The following ANO10 variants were observed in gnomAD, a reference collection of about 807,000 sequenced individuals.
ANO10 encodes anoctamin-10.
A neutral mutation model predicts 74.7 loss-of-function variants in ANO10; 77 were observed. The ratio of observed to expected loss-of-function variants is 1.03; its 90% CI spans 0.86 to 1.25. The LOEUF (loss-of-function observed/expected upper bound fraction) is 1.25, where lower values mean the gene tolerates loss of function less well. Among genes scored for constraint, ANO10 ranks in the 50% most tolerant of loss-of-function variants. The probability of loss-of-function intolerance (pLI) is 0.00; values close to 1 mark genes in which losing one functional copy is unlikely to be tolerated. For synonymous variants in ANO10, 279 were observed against 284.9 expected (o/e 0.98, Z 0.21); for missense variants, 721 against 778.1 (o/e 0.93, Z 0.87).
At chr3:43,372,682 T>C in intron 12 of ANO10, 1 of 628,538 alleles carries the variant, frequency 1.6e-6, no homozygotes, top group Non-Finnish European at 2.9e-6. Flanking sequence ...ATCTGGTTTA[T>C]TCATTGTTTG....
At chr3:43,582,404 ACCATTGCACT>A (rs1249388302) in intron 4 of ANO10, among the ~76,000 whole-genome samples, 10 of 152,202 alleles carry the variant, frequency 6.6e-5, no homozygotes, top group South Asian at 2.1e-4. Flanking sequence ...GTGAGATCAC[ACCATTGCACT>A]CCAGCCTGGG....
At chr3:43,387,278 G>A (rs1051220991) in intron 12 of ANO10, among the ~76,000 whole-genome samples, 2 of 152,180 alleles carry the variant, frequency 1.3e-5, no homozygotes, top group African/African-American at 2.4e-5. Context: ...CATATATGTG[G>A]TCCGTCATTG....
chr3:43,497,228 C>G (rs1158024217), intron 11 of ANO10, among the ~76,000 whole-genome samples: 6 of 152,156 alleles, frequency 3.9e-5, no homozygotes, highest in Non-Finnish European at 8.8e-5. Context: ...GCAAACTTAC[C>G]TAGCATACAA....
At chr3:43,666,198 G>A (rs1347209055) in intron 1 of ANO10, among the ~76,000 whole-genome samples, 3 of 152,088 alleles carry the variant, frequency 2.0e-5, no homozygotes, top group Non-Finnish European at 4.4e-5. Flanking sequence ...TTCAAAAGAA[G>A]TACTTAATGT....
At chr3:43,439,842 G>A (rs1200101752) in intron 11 of ANO10, among the ~76,000 whole-genome samples, 2 of 152,124 alleles carry the variant, frequency 1.3e-5, no homozygotes, top group Middle Eastern at 3.4e-3. Context: ...TGATTGTGCC[G>A]CTCCATTCCA....
At chr3:43,539,352 AAAAAT>A (rs1432029290) in intron 11 of ANO10, among the ~76,000 whole-genome samples, 2 of 152,246 alleles carry the variant, frequency 1.3e-5, no homozygotes, top group Non-Finnish European at 2.9e-5. Flanking sequence ...CCTAGAAAAA[AAAAAT>A]AAAACCAAAC....
At chr3:43,537,330 G>T (rs1379779575) in intron 11 of ANO10, among the ~76,000 whole-genome samples, 1 of 151,862 alleles carries the variant, frequency 6.6e-6, no homozygotes, top group Non-Finnish European at 1.5e-5. Flanking sequence ...CCTCCTTTTT[G>T]CTGTGAAATA....
At position 43,436,973 on chromosome 3, in the gene ANO10, C is replaced by T. The variant is rs187556786; in HGVS notation, c.1798-4246G>A. Among the ~76,000 whole-genome samples, 11 of 152,216 alleles carry T rather than the reference C, an allele frequency of 7.2e-5. No homozygotes were observed. The East Asian group carries it at 1.7e-3, about 24-fold the overall frequency. Reference sequence around the variant, plus strand: ...CCTGTCTCCATTCAGATGGCAGCCACGACTGAACAAAAGGAGTGCCCTGAA... The same window carrying T: ...CCTGTCTCCATTCAGATGGCAGCCATGACTGAACAAAAGGAGTGCCCTGAA... On this transcript the variant is annotated intron_variant, in intron 11 of 12. Coordinates refer to ENST00000292246, the MANE Select transcript of ANO10 (RefSeq NM_018075.5).
chr3:43,622,396 C>T (rs1323174509), upstream of ANO10, among the ~76,000 whole-genome samples: 1 of 152,174 alleles, frequency 6.6e-6, no homozygotes, highest in Non-Finnish European at 1.5e-5. Flanking sequence ...TGGCTGGGCT[C>T]TCCAACCGCG....
intron 11 of ANO10, chr3:43,485,539 A>G: frequency 7.9e-6 from 2 of 253,876 alleles, no homozygotes; most frequent in Non-Finnish European, 7.6e-6. Flanking sequence ...CGTGAGGCCA[A>G]GAACCCCAGG....
intron 11 of ANO10, among the ~76,000 whole-genome samples, chr3:43,529,944 T>G (rs1304027902): frequency 6.6e-6 from 1 of 152,128 alleles, no homozygotes; most frequent in Non-Finnish European, 1.5e-5. Flanking sequence ...GCATCTCAAT[T>G]AATGCAAATG....
At chr3:43,617,421 C>T (rs1205668720) in intron 1 of ANO10, among the ~76,000 whole-genome samples, 1 of 152,096 alleles carries the variant, frequency 6.6e-6, no homozygotes, top group African/African-American at 2.4e-5. Context: ...CACACAGACC[C>T]TGGGGCGTGG....
chr3:43,484,947 G>A (rs1166695291), intron 11 of ANO10: 22 of 980,062 alleles, frequency 2.2e-5, no homozygotes, highest in South Asian at 3.0e-5. Context: ...TTTATTTGGG[G>A]CCCACCCAGG....
At chr3:43,474,935 A>G (rs1478674280) in intron 11 of ANO10, among the ~76,000 whole-genome samples, 1 of 152,290 alleles carries the variant, frequency 6.6e-6, no homozygotes, top group East Asian at 1.9e-4. Context: ...TTAACTAGAC[A>G]TGATTATTTA....
chr3:43,689,247 C>A (rs2149585995), intron 1 of ANO10: 1 of 152,348 alleles, frequency 6.6e-6, no homozygotes, highest in South Asian at 2.1e-4. Flanking sequence ...AGAGCACATA[C>A]TTACCTACCT....
At chr3:43,609,499 A>G (rs1350998304) in intron 1 of ANO10, among the ~76,000 whole-genome samples, 1 of 152,240 alleles carries the variant, frequency 6.6e-6, no homozygotes, top group Non-Finnish European at 1.5e-5. Context: ...ATGAACTGAT[A>G]ACAAAGGATC....
chr3:43,651,623 T>C (rs1164664427), intron 1 of ANO10, among the ~76,000 whole-genome samples: 1 of 152,232 alleles, frequency 6.6e-6, no homozygotes, highest in Non-Finnish European at 1.5e-5. Flanking sequence ...ATTTTTCTCT[T>C]ATTTAGCCTT....
rs2091672137 is a variant in ANO10 at position 43,372,974 on chromosome 3, C to T, written c.1915-6000G>A. 4 of 944,718 alleles carry T rather than the reference C, an allele frequency of 4.2e-6. No homozygotes were observed. In the Admixed American group the frequency reaches 1.0e-4, roughly 24 times the overall value. 58.5% of individuals were successfully genotyped at this position (944,718 alleles called of 1,614,324 possible). ...CCTCTTTTCTCATGTAACACATATTCAAGTTCTTGAAGTCAGCATCACTCT... is the reference window on the plus strand; with the variant it reads ...CCTCTTTTCTCATGTAACACATATTTAAGTTCTTGAAGTCAGCATCACTCT... On this transcript the variant is annotated intron_variant, in intron 12 of 12. Coordinates refer to ENST00000292246, the MANE Select transcript of ANO10 (RefSeq NM_018075.5).
chr3:43,633,965 G>A (rs1207818107), intron 1 of ANO10, among the ~76,000 whole-genome samples: 5 of 146,708 alleles, frequency 3.4e-5, no homozygotes, highest in South Asian at 2.2e-4. Context: ...CTCAACCTGA[G>A]GGAAACATTA....
Sources: allele counts gnomAD v4.1 joint callset (sites outside exome capture counted in the v4.1 genomes callset), GRCh38; gene constraint gnomAD v4.1.1; transcripts MANE v1.5; gene names NCBI Gene and HGNC (gene_info 2026-07-23, HGNC 2026-07-21).